CCSER1: variants seen among roughly 807,000 people sequenced by gnomAD.
CCSER1 encodes the protein serine-rich coiled-coil domain-containing protein 1.
A neutral mutation model predicts 82.0 loss-of-function variants in CCSER1; 41 were observed. The ratio of observed to expected loss-of-function variants is 0.50; its 90% CI spans 0.39 to 0.65. The LOEUF is 0.65. Ranked by LOEUF, CCSER1 falls within the 30% of genes least tolerant of loss-of-function variation. The pLI is 0.00. For missense variants in CCSER1, 1,119 were observed against 1,064.2 expected, an observed-to-expected ratio of 1.05 and a Z score of -0.72; for synonymous variants, 414 against 383.9, an observed-to-expected ratio of 1.08 and a Z score of -0.92.
chr4:91,328,913 G>A (rs146562778), intron 10 of CCSER1, among the ~76,000 whole-genome samples: 35 of 152,194 alleles, frequency 2.3e-4, no homozygotes, highest in African/African-American at 8.4e-4. Flanking sequence ...GGTCTCATGA[G>A]ATCTGAGGGA....
At chr4:90,286,542 T>TA (rs1436509276) in intron 1 of CCSER1, among the ~76,000 whole-genome samples, 1 of 152,004 alleles carries the variant, frequency 6.6e-6, no homozygotes, top group African/African-American at 2.4e-5. Context: ...ATAACATAAA[T>TA]AAAAAAATGA....
intron 9 of CCSER1, among the ~76,000 whole-genome samples, chr4:90,972,277 C>T (rs1485982525): frequency 6.6e-6 from 1 of 151,754 alleles, no homozygotes; most frequent in African/African-American, 2.4e-5. Context: ...TAAATAAATT[C>T]AATAAAGTAA....
At chr4:90,178,668 C>T (rs1194936227) in intron 1 of CCSER1, among the ~76,000 whole-genome samples, 1 of 152,036 alleles carries the variant, frequency 6.6e-6, no homozygotes, top group African/African-American at 2.4e-5. Flanking sequence ...ATAAACCATA[C>T]CACATGAATA....
rs899619115 is a variant in CCSER1 at position 91,604,933 on chromosome 4, ATTATC to A, written c.*5880_*5884del. 22 of 152,106 alleles carry A rather than the reference ATTATC, an allele frequency of 1.4e-4. No homozygotes were observed. Among genetic ancestry groups the A allele is most frequent in the Admixed American group, 4.6e-4 (7 of 15,266 alleles). 9.4% of individuals were successfully genotyped at this position (152,106 alleles called of 1,614,324 possible). ...TCCAAAAAAGAATGCAAGAGAATTG[ATTATC>A]TTAGTTAGACCCCATTTTTAAGGAA... On this transcript the variant is annotated 3_prime_UTR_variant, in exon 11 of 11. Transcript: ENST00000509176.
chr4:90,839,030 T>C, intron 8 of CCSER1: 1 of 1,612,408 alleles, frequency 6.2e-7, no homozygotes, highest in East Asian at 2.2e-5. Flanking sequence ...ATCGGGTTTG[T>C]CAGACATGGT....
chr4:91,554,405 A>T (rs1762309812), intron 10 of CCSER1, among the ~76,000 whole-genome samples: 1 of 151,194 alleles, frequency 6.6e-6, no homozygotes, highest in African/African-American at 2.4e-5. Context: ...TTTTGATCTA[A>T]CAATAAACTG....
intron 1 of CCSER1, among the ~76,000 whole-genome samples, chr4:90,227,269 A>G (rs928895375): frequency 1.3e-5 from 2 of 152,254 alleles, no homozygotes; most frequent in Admixed American, 6.5e-5. Context: ...TCATTTTACA[A>G]CAATTCTAAG....
intron 7 of CCSER1, among the ~76,000 whole-genome samples, chr4:90,741,735 TAAG>T (rs1005081532): frequency 2.6e-5 from 4 of 152,308 alleles, no homozygotes; most frequent in Non-Finnish European, 5.9e-5. Context: ...TTTTTTAAAA[TAAG>T]AAGTTAGTAA....
At chr4:90,461,779 T>A (rs549640816) in intron 4 of CCSER1, among the ~76,000 whole-genome samples, 1 of 152,300 alleles carries the variant, frequency 6.6e-6, no homozygotes, top group East Asian at 1.9e-4. Context: ...TGAACAAGAC[T>A]GCAACAGTCC....
chr4:90,627,608 T>C (rs1028464699), intron 5 of CCSER1, among the ~76,000 whole-genome samples: 17 of 152,234 alleles, frequency 1.1e-4, no homozygotes, highest in African/African-American at 4.1e-4. Flanking sequence ...AAAACAGTAA[T>C]TTTCATTGAA....
chr4:90,437,685 C>T (rs1212051365), intron 4 of CCSER1, among the ~76,000 whole-genome samples: 2 of 152,098 alleles, frequency 1.3e-5, no homozygotes, highest in Admixed American at 1.3e-4. Flanking sequence ...AGAGACATCC[C>T]AGAACACTGA....
chr4:90,231,754 G>A (rs1322194435), intron 1 of CCSER1, among the ~76,000 whole-genome samples: 2 of 152,126 alleles, frequency 1.3e-5, no homozygotes, highest in Non-Finnish European at 1.5e-5. Flanking sequence ...TCCTTAAGCT[G>A]CTAAGCAACT....
chr4:91,305,703 G>A (rs189757400), intron 10 of CCSER1, among the ~76,000 whole-genome samples: 44 of 149,516 alleles, frequency 2.9e-4, no homozygotes, highest in African/African-American at 9.1e-4. Flanking sequence ...CTGTTCTCAT[G>A]CTGCTAATAA....
At chr4:91,094,559 G>A (rs1724307143) in intron 10 of CCSER1, among the ~76,000 whole-genome samples, 1 of 152,236 alleles carries the variant, frequency 6.6e-6, no homozygotes, top group East Asian at 1.9e-4. Context: ...AGATTGTCAA[G>A]GAACTATAAT....
At chr4:90,496,156 C>T (rs942837120) in intron 5 of CCSER1, among the ~76,000 whole-genome samples, 1 of 152,080 alleles carries the variant, frequency 6.6e-6, no homozygotes, top group Non-Finnish European at 1.5e-5. Flanking sequence ...ACGATGGATG[C>T]CACTTGAAGT....
chr4:90,596,083 A>G (rs1382779062), intron 5 of CCSER1, among the ~76,000 whole-genome samples: 1 of 151,912 alleles, frequency 6.6e-6, no homozygotes, highest in African/African-American at 2.4e-5. Flanking sequence ...GATGATGCTG[A>G]TGCTAATGGT....
chr4:90,402,909 C>T (rs1334342862), intron 4 of CCSER1, among the ~76,000 whole-genome samples: 4 of 152,132 alleles, frequency 2.6e-5, no homozygotes, highest in Admixed American at 2.6e-4. Flanking sequence ...TTAGTTAAAG[C>T]TCAAACCAGG....
intron 10 of CCSER1, among the ~76,000 whole-genome samples, chr4:91,431,197 A>C (rs773455153): frequency 1.4e-4 from 21 of 152,114 alleles, no homozygotes; most frequent in Admixed American, 3.9e-4. Flanking sequence ...GATGGCGCCA[A>C]TGCACTCCAG....
intron 10 of CCSER1, among the ~76,000 whole-genome samples, chr4:91,402,518 AT>A (rs1324431405): frequency 2.0e-5 from 3 of 152,086 alleles, no homozygotes; most frequent in African/African-American, 7.2e-5. Flanking sequence ...TAGAATTTTT[AT>A]GGTTTTAGGT....
Sources: gnomAD v4.1 joint callset for allele counts (sites outside exome capture counted in the v4.1 genomes callset) on GRCh38, gnomAD v4.1.1 for gene constraint, MANE v1.5 for transcripts, NCBI Gene and HGNC (gene_info 2026-07-23, HGNC 2026-07-21) for gene names.